Variants in BCO2 observed in about 807,000 individuals in gnomAD.
BCO2 encodes beta-carotene oxygenase 2, also known as carotenoid-cleaving dioxygenase, mitochondrial.
Under a neutral mutation model 65.8 loss-of-function variants are expected in BCO2, and 56 were observed. The ratio of observed to expected loss-of-function variants is 0.85; its 90% CI spans 0.69 to 1.06. BCO2 has a LOEUF of 1.06. Ranked by LOEUF, BCO2 falls within the 50% of genes least tolerant of loss-of-function variation. The pLI, the probability that BCO2 is intolerant of heterozygous loss-of-function variation, is 0.00. For synonymous variants in BCO2, 233 were observed against 242.3 expected (o/e 0.96, Z 0.36); for missense variants, 675 against 698.5 (o/e 0.97, Z 0.38).
intron 6 of BCO2, 50 bp from the exon 7 acceptor site, chr11:112,200,563 C>G (rs747926609): frequency 6.5e-7 from 1 of 1,528,624 alleles, no homozygotes; most frequent in South Asian, 1.2e-5. Flanking sequence ...ACATTTCAGA[C>G]AACTCTAGTT....
In BCO2 at chr11:112,214,790, A is replaced by C; in HGVS notation, c.1361A>C (p.Gln454Pro). 9.3e-6 allele frequency: 15 copies of C among 1,613,836 alleles called. No homozygotes were observed. Among genetic ancestry groups the C allele is most frequent in the Non-Finnish European group, 1.3e-5 (15 of 1,179,708 alleles). ...TIWCSHENLHQEDLEKEGGIE... is the reference protein window; with the variant it reads ...TIWCSHENLHPEDLEKEGGIE... Reference sequence around the variant, plus strand: ...TGGTGCTCTCATGAAAATCTACATCAGGAGGACCTAGAAAAGGAAGGAGGC... The same window carrying C: ...TGGTGCTCTCATGAAAATCTACATCCGGAGGACCTAGAAAAGGAAGGAGGC... Residue 454 changes from glutamine (Q) to proline (P), a missense_variant, in exon 10 of 12, where the codon CAG (glutamine) becomes CCG (proline). Transcript: ENST00000357685.
In BCO2 at chr11:112,216,408, C is replaced by G. The variant is rs1385294345; in HGVS notation, c.1626+78C>G. 3 of 1,003,004 alleles carry G rather than the reference C, an allele frequency of 3.0e-6. No homozygotes were observed. The East Asian group carries it at 7.2e-5, about 24-fold the overall frequency. 62.1% of individuals were successfully genotyped at this position (1,003,004 alleles called of 1,614,324 possible). ...TGATAAATCAAGGATGCACACTCAT[C>G]TGTCGATAGTTTACTTTGATTCCTT... On this transcript the variant is annotated intron_variant, in intron 11 of 11. Coordinates refer to ENST00000357685, the MANE Select transcript of BCO2 (RefSeq NM_031938.7).
chr11:112,200,512 A>C, intron 6 of BCO2, 101 bp from the exon 7 acceptor site: 1 of 1,003,366 alleles, frequency 1.0e-6, no homozygotes, highest in Non-Finnish European at 1.5e-6. Context: ...TTAGGGCATC[A>C]GTAACGTGTC....
rs779269469 is a variant in BCO2 at position 112,200,726 on chromosome 11, C to A, written c.979C>A (p.Pro327Thr). The change falls in exon 7 of 12, where the codon CCC (proline) becomes ACC (threonine). Residue 327 changes from proline (P) to threonine (T), a missense_variant. Physicochemically the swap from Pro to Thr is conservative, Grantham distance 38. Transcript: ENST00000357685. ...KAFSDGISWE[P>T]QCNTRFHVVE... ...CTTTTCAGATGGGATAAGCTGGGAACCCCAGTGTAATACGCGGTTTCATGT... is the reference window on the plus strand; with the variant it reads ...CTTTTCAGATGGGATAAGCTGGGAAACCCAGTGTAATACGCGGTTTCATGT... 5 of 1,613,950 alleles carry A rather than the reference C, an allele frequency of 3.1e-6. No homozygotes were observed. The highest frequency in any genetic ancestry group is 4.2e-6 in the Non-Finnish European group (5 of 1,179,964).
chr11:112,185,018 A>T (rs1592838323), intron 2 of BCO2, among the ~76,000 whole-genome samples: 2 of 152,360 alleles, frequency 1.3e-5, no homozygotes, highest in East Asian at 3.9e-4. Context: ...GACCTTTACA[A>T]GTAAAGGAAA....
intron 7 of BCO2, among the ~76,000 whole-genome samples, chr11:112,201,079 G>A (rs1041555609): frequency 2.6e-5 from 4 of 152,042 alleles, no homozygotes; most frequent in South Asian, 2.1e-4. Context: ...GGTGTTGTTC[G>A]TGCAGAAATC....
intron 2 of BCO2, among the ~76,000 whole-genome samples, chr11:112,189,401 G>C (rs906188785): frequency 2.7e-5 from 4 of 146,338 alleles, no homozygotes; most frequent in Non-Finnish European, 6.1e-5. Context: ...GATAGAAAAG[G>C]AAATTTTTTT....
chr11:112,194,349 A>G (rs2135370677), intron 4 of BCO2: 1 of 407,762 alleles, frequency 2.5e-6, no homozygotes, highest in Non-Finnish European at 4.4e-6. Context: ...TTAATTAAAA[A>G]GAAAATTTTA....
At chr11:112,206,359 C>A (rs371234132) in intron 8 of BCO2, among the ~76,000 whole-genome samples, 2 of 148,872 alleles carry the variant, frequency 1.3e-5, no homozygotes, top group East Asian at 3.9e-4. Context: ...AGACGGTGGG[C>A]GGCCGGGCAG....
intron 1 of BCO2, among the ~76,000 whole-genome samples, chr11:112,178,557 T>C (rs1866945607): frequency 6.6e-6 from 1 of 152,242 alleles, no homozygotes; most frequent in Non-Finnish European, 1.5e-5. Flanking sequence ...CACCCCTCTA[T>C]GTTAGGCAGT....
intron 10 of BCO2, chr11:112,215,187 G>A (rs1396808264): frequency 2.0e-6 from 1 of 506,824 alleles, no homozygotes; most frequent in Admixed American, 3.4e-5. Flanking sequence ...GGGAGCAATT[G>A]TGGGGTTAGG....
chr11:112,192,242 G>A (rs1592845542), intron 2 of BCO2, among the ~76,000 whole-genome samples: 1 of 152,148 alleles, frequency 6.6e-6, no homozygotes, highest in Non-Finnish European at 1.5e-5. Context: ...GTTCATTCAT[G>A]TTGTAACATG....
chr11:112,185,594 C>A (rs888144868), intron 2 of BCO2, among the ~76,000 whole-genome samples: 1 of 152,146 alleles, frequency 6.6e-6, no homozygotes, highest in African/African-American at 2.4e-5. Flanking sequence ...GCTATTTCTA[C>A]GGATTTGTTT....
chr11:112,209,944 G>A (rs1022352070), intron 8 of BCO2, among the ~76,000 whole-genome samples: 4 of 152,002 alleles, frequency 2.6e-5, no homozygotes, highest in Admixed American at 6.6e-5. Context: ...GTTCTTACTA[G>A]GTTTTGGTTT....
At chr11:112,210,735 A>G (rs1859481498) in intron 8 of BCO2, among the ~76,000 whole-genome samples, 2 of 138,932 alleles carry the variant, frequency 1.4e-5, no homozygotes, top group South Asian at 2.4e-4. Flanking sequence ...ACATGATAAA[A>G]TAGCATAGAA....
chr11:112,176,072 A>T (rs1469219236), intron 1 of BCO2: 2 of 171,096 alleles, frequency 1.2e-5, no homozygotes, highest in Non-Finnish European at 2.5e-5. Flanking sequence ...CTGCCTTAAA[A>T]CTCATTTATG....
intron 2 of BCO2, among the ~76,000 whole-genome samples, chr11:112,185,075 A>C (rs1449134434): frequency 2.0e-5 from 3 of 152,216 alleles, no homozygotes; most frequent in Admixed American, 2.0e-4. Context: ...ATTTTTACCA[A>C]GACAGAGAAG....
At chr11:112,200,861 G>C in intron 7 of BCO2, 88 bp downstream of exon 7, 1 of 1,408,908 alleles carries the variant, frequency 7.1e-7, no homozygotes, top group Non-Finnish European at 9.9e-7. Flanking sequence ...ATCTTCCCTG[G>C]TTAAAAGTGC....
chr11:112,202,287 C>T, intron 8 of BCO2, 97 bp downstream of exon 8: 1 of 1,153,284 alleles, frequency 8.7e-7, no homozygotes, highest in Non-Finnish European at 1.2e-6. Flanking sequence ...CTCTCTCTCT[C>T]TCTTTTTTCT....
Sources: allele counts gnomAD v4.1 joint callset (sites outside exome capture counted in the v4.1 genomes callset), GRCh38; gene constraint gnomAD v4.1.1; transcripts MANE v1.5; gene names NCBI Gene and HGNC (gene_info 2026-07-23, HGNC 2026-07-21).